TLK1: variants seen among roughly 807,000 people sequenced by gnomAD.
TLK1 encodes tousled like kinase 1.
A neutral mutation model predicts 105.3 loss-of-function variants in TLK1; 24 were observed. That is an observed-to-expected ratio of 0.23 (90% confidence interval 0.17 to 0.32). The LOEUF is 0.32. Among genes scored for constraint, TLK1 ranks in the 10% least tolerant of loss-of-function variants. The probability of loss-of-function intolerance (pLI) is 1.00; values close to 1 mark genes in which losing one functional copy is unlikely to be tolerated. For missense variants in TLK1, 558 were observed against 910.5 expected (o/e 0.61, Z 4.98); for synonymous variants, 321 against 310.4 (o/e 1.03, Z -0.36).
chr2:171,205,372 G>A (rs188808922), intron 1 of TLK1, among the ~76,000 whole-genome samples: 120 of 151,594 alleles, frequency 7.9e-4, no homozygotes, highest in Middle Eastern at 6.8e-3. Flanking sequence ...ACCAGGGCTG[G>A]AGTGCAGTGG....
At chr2:171,088,406 G>A (rs1689076546) in intron 2 of TLK1, among the ~76,000 whole-genome samples, 1 of 152,188 alleles carries the variant, frequency 6.6e-6, no homozygotes, top group African/African-American at 2.4e-5. Context: ...AAGTGTTTAA[G>A]TGCCTAATGC....
chr2:171,080,030 TA>T (rs75294654), intron 3 of TLK1, among the ~76,000 whole-genome samples: 5 of 151,882 alleles, frequency 3.3e-5, no homozygotes, highest in Non-Finnish European at 4.4e-5. Flanking sequence ...CAATTTTTTT[TA>T]AAAAAAAAGT....
In TLK1 at chr2:170,993,968, A is replaced by T; in HGVS notation, c.2125-12T>A. ...CGTCTTATAAATGCCTCAAAAAGAG[A>T]AAGGAAATGTTAGCAATTAATGATC... On this transcript the variant is annotated splice_polypyrimidine_tract_variant and intron_variant, in intron 20 of 20. Transcript: ENST00000431350. 6.3e-7 allele frequency: 1 copy of T among 1,575,448 alleles called. No individual in the cohort carries two copies. The highest frequency in any genetic ancestry group is 8.6e-7 in the Non-Finnish European group (1 of 1,162,450).
chr2:171,200,114 G>A (rs1211953857), intron 1 of TLK1, among the ~76,000 whole-genome samples: 1 of 152,142 alleles, frequency 6.6e-6, no homozygotes, highest in Non-Finnish European at 1.5e-5. Flanking sequence ...AGAAAATAAA[G>A]CCCTGTTTAC....
intron 1 of TLK1, among the ~76,000 whole-genome samples, chr2:171,223,773 C>T (rs1019084463): frequency 6.6e-6 from 1 of 151,878 alleles, no homozygotes; most frequent in Non-Finnish European, 1.5e-5. Context: ...AGCCACCACT[C>T]CCAGCAGTGC....
At chr2:171,185,955 AACT>A (rs1207359645) in intron 1 of TLK1, among the ~76,000 whole-genome samples, 3 of 152,220 alleles carry the variant, frequency 2.0e-5, no homozygotes, top group Non-Finnish European at 4.4e-5. Flanking sequence ...ATAATTCACT[AACT>A]ACTAAGTGCT....
At chr2:171,015,733 C>CA (rs1685169621) in intron 12 of TLK1, among the ~76,000 whole-genome samples, 22 of 8,150 alleles carry the variant, frequency 2.7e-3, no homozygotes, top group African/African-American at 3.8e-3. Flanking sequence ...ACACACACAC[C>CA]CACCCCTTTT....
chr2:171,055,569 T>C (rs1687462877), intron 6 of TLK1, among the ~76,000 whole-genome samples: 2 of 152,078 alleles, frequency 1.3e-5, no homozygotes, highest in African/African-American at 4.8e-5. Context: ...CGCCCATATG[T>C]AGTTTAATAT....
At chr2:171,139,376 T>C (rs551032953) in intron 1 of TLK1, among the ~76,000 whole-genome samples, 1 of 152,112 alleles carries the variant, frequency 6.6e-6, no homozygotes, top group South Asian at 2.1e-4. Context: ...GGCGGGCAGA[T>C]CTCCAGAGGT....
At chr2:171,062,119 T>C (rs1161356268) in intron 3 of TLK1, among the ~76,000 whole-genome samples, 2 of 152,186 alleles carry the variant, frequency 1.3e-5, no homozygotes, top group African/African-American at 2.4e-5. Flanking sequence ...TTTCTGGAGT[T>C]TGACAAACTT....
chr2:171,013,144 C>T (rs923073216), intron 13 of TLK1, among the ~76,000 whole-genome samples: 1 of 151,566 alleles, frequency 6.6e-6, no homozygotes, highest in Non-Finnish European at 1.5e-5. Flanking sequence ...TCCCAAGTAG[C>T]TGGGATTACA....
intron 11 of TLK1, chr2:171,045,460 C>A (rs1438072500): frequency 2.0e-5 from 3 of 148,436 alleles, no homozygotes; most frequent in Non-Finnish European, 4.5e-5. Flanking sequence ...CGTGATCCAC[C>A]CACTTTGGCC....
intron 1 of TLK1, among the ~76,000 whole-genome samples, chr2:171,182,113 T>G (rs1020924273): frequency 6.6e-6 from 1 of 152,166 alleles, no homozygotes; most frequent in Non-Finnish European, 1.5e-5. Flanking sequence ...TCTCTGGGAA[T>G]AGGGCCATAT....
At chr2:171,008,765 T>C (rs1684762353) in intron 14 of TLK1, among the ~76,000 whole-genome samples, 1 of 152,210 alleles carries the variant, frequency 6.6e-6, no homozygotes, top group South Asian at 2.1e-4. Flanking sequence ...TTTAGGTCAG[T>C]ATAGAAAGTT....
chr2:171,060,000 G>A (rs781738153), intron 4 of TLK1: 1 of 1,612,420 alleles, frequency 6.2e-7, no homozygotes, highest in African/African-American at 1.3e-5. Context: ...CAGAAGATGA[G>A]AGGAGAGGTC....
intron 2 of TLK1, among the ~76,000 whole-genome samples, chr2:171,106,220 A>C (rs1176595975): frequency 1.3e-5 from 2 of 152,212 alleles, no homozygotes; most frequent in Non-Finnish European, 2.9e-5. Flanking sequence ...ACAGTTGATT[A>C]ATGAATATAG....
At chr2:171,043,287 C>G (rs1241312334) in intron 11 of TLK1, among the ~76,000 whole-genome samples, 1 of 152,162 alleles carries the variant, frequency 6.6e-6, no homozygotes, top group African/African-American at 2.4e-5. Context: ...GAAGCGATAA[C>G]TACCGTGGGA....
intron 2 of TLK1, among the ~76,000 whole-genome samples, chr2:171,114,298 T>C (rs1357753783): frequency 6.6e-6 from 1 of 152,174 alleles, no homozygotes; most frequent in African/African-American, 2.4e-5. Context: ...TATGTTACCT[T>C]ACATGGCCAA....
At chr2:171,219,574 A>G (rs1364780433) in intron 1 of TLK1, among the ~76,000 whole-genome samples, 4 of 151,300 alleles carry the variant, frequency 2.6e-5, no homozygotes, top group Admixed American at 2.6e-4. Context: ...AGAAAGAGTC[A>G]AGAGAGCTTT....
Sources: allele counts gnomAD v4.1 joint callset (sites outside exome capture counted in the v4.1 genomes callset), GRCh38; gene constraint gnomAD v4.1.1; transcripts MANE v1.5; gene names NCBI Gene and HGNC (gene_info 2026-07-23, HGNC 2026-07-21).